CALN1: variants seen among roughly 807,000 people sequenced by gnomAD.
The protein encoded by CALN1 is calcium-binding protein 8.
A neutral mutation model predicts 30.6 loss-of-function variants in CALN1; 17 were observed. That is an observed-to-expected ratio of 0.56 (90% CI 0.38 to 0.83). The LOEUF (loss-of-function observed/expected upper bound fraction) is 0.83. Ranked by LOEUF, CALN1 falls within the 40% of genes least tolerant of loss-of-function variation. The probability of loss-of-function intolerance (pLI) is 0.00; values close to 1 mark genes in which losing one functional copy is unlikely to be tolerated. For missense variants in CALN1, 291 were observed against 354.9 expected (o/e 0.82, Z 1.45); for synonymous variants, 156 against 131.4 (o/e 1.19, Z -1.28).
intron 2 of CALN1, among the ~76,000 whole-genome samples, chr7:72,291,402 C>T (rs538696025): frequency 2.6e-5 from 4 of 152,278 alleles, no homozygotes; most frequent in Middle Eastern, 3.4e-3. Flanking sequence ...CAACAGGTGA[C>T]GCTTTTCCCA....
intron 6 of CALN1, among the ~76,000 whole-genome samples, chr7:71,797,874 A>G (rs1787021902): frequency 6.6e-6 from 1 of 152,154 alleles, no homozygotes; most frequent in South Asian, 2.1e-4. Context: ...TGTCATACCC[A>G]AAGATTGTTC....
intron 3 of CALN1, among the ~76,000 whole-genome samples, chr7:72,183,523 G>C (rs574021492): frequency 6.6e-6 from 1 of 152,294 alleles, no homozygotes; most frequent in South Asian, 2.1e-4. Flanking sequence ...TAAAATGCGA[G>C]AAGTTATGAA....
chr7:71,801,679 T>C (rs1001736987), intron 6 of CALN1, among the ~76,000 whole-genome samples: 1 of 152,014 alleles, frequency 6.6e-6, no homozygotes, highest in Non-Finnish European at 1.5e-5. Flanking sequence ...GTTTTTGCTG[T>C]TAAAACACTT....
chr7:72,198,451 A>T (rs938110510), intron 3 of CALN1, among the ~76,000 whole-genome samples: 1 of 152,148 alleles, frequency 6.6e-6, no homozygotes, highest in African/African-American at 2.4e-5. Context: ...TTCTTCCTAA[A>T]ATCATGTGCA....
chr7:71,801,420 G>A (rs62459038), intron 6 of CALN1, among the ~76,000 whole-genome samples: 1 of 102,456 alleles, frequency 9.8e-6, no homozygotes, highest in African/African-American at 3.8e-5. Context: ...ATGTATGTAT[G>A]TATGTATGTA....
intron 3 of CALN1, among the ~76,000 whole-genome samples, chr7:72,199,369 A>T (rs1791255753): frequency 6.6e-6 from 1 of 152,194 alleles, no homozygotes; most frequent in Non-Finnish European, 1.5e-5. Flanking sequence ...ACAGAACCTC[A>T]GCTCTCTCTC....
At chr7:71,847,978 C>T (rs1297190127) in intron 5 of CALN1, among the ~76,000 whole-genome samples, 1 of 152,072 alleles carries the variant, frequency 6.6e-6, no homozygotes, top group Non-Finnish European at 1.5e-5. Flanking sequence ...ACTGTGAGTC[C>T]ATTAAATCTC....
At chr7:72,291,706 G>A (rs1398581805) in intron 2 of CALN1, among the ~76,000 whole-genome samples, 2 of 151,976 alleles carry the variant, frequency 1.3e-5, no homozygotes, top group East Asian at 1.9e-4. Context: ...TCCACCTCCC[G>A]GGTTCAAGTG....
At chr7:72,141,767 C>T (rs1330777587) in intron 3 of CALN1, among the ~76,000 whole-genome samples, 1 of 152,070 alleles carries the variant, frequency 6.6e-6, no homozygotes, top group Non-Finnish European at 1.5e-5. Context: ...CAGGGTTTCA[C>T]CATGTTGGTC....
At chr7:72,395,352 C>T (rs1805854079) in intron 2 of CALN1, among the ~76,000 whole-genome samples, 1 of 92,176 alleles carries the variant, frequency 1.1e-5, no homozygotes, top group African/African-American at 4.5e-5. Flanking sequence ...ACGCTGCGCA[C>T]GCGCGCGCAC....
intron 2 of CALN1, among the ~76,000 whole-genome samples, chr7:72,283,795 C>T (rs567171486): frequency 2.6e-5 from 4 of 152,272 alleles, no homozygotes; most frequent in South Asian, 2.1e-4. Flanking sequence ...AAAGCACCAG[C>T]GGGTTCCAGT....
At chr7:72,072,017 G>A (rs1804429959) in intron 4 of CALN1, among the ~76,000 whole-genome samples, 1 of 152,184 alleles carries the variant, frequency 6.6e-6, no homozygotes. Context: ...AAAGCAAACA[G>A]AACATAAAGT....
intron 5 of CALN1, among the ~76,000 whole-genome samples, chr7:71,963,185 CAG>C (rs1797336767): frequency 6.6e-6 from 1 of 152,098 alleles, no homozygotes; most frequent in African/African-American, 2.4e-5. Flanking sequence ...ATTTTTGAGA[CAG>C]AGTCTTGCTC....
chr7:72,038,202 C>CAT, intron 4 of CALN1, among the ~76,000 whole-genome samples: 1 of 152,096 alleles, frequency 6.6e-6, no homozygotes. Flanking sequence ...TCCTGGAATG[C>CAT]ATACACAGCT....
chr7:72,117,369 T>C (rs991007422), intron 3 of CALN1, among the ~76,000 whole-genome samples: 1 of 152,194 alleles, frequency 6.6e-6, no homozygotes, highest in Non-Finnish European at 1.5e-5. Context: ...GTCTCATAGA[T>C]GGCAGCCCTC....
intron 2 of CALN1, among the ~76,000 whole-genome samples, chr7:72,361,352 G>A (rs745565739): frequency 4.6e-5 from 7 of 151,912 alleles, no homozygotes; most frequent in African/African-American, 7.3e-5. Context: ...AAATAAAAAC[G>A]AGTTCAGACC....
chr7:71,779,583 G>A lies in CALN1; in HGVS notation c.*8192C>T, dbSNP rs372530441. On this transcript the variant is annotated 3_prime_UTR_variant, in exon 7 of 7. Coordinates refer to ENST00000395275, the MANE Select transcript of CALN1 (RefSeq NM_031468.4). ...AGATTATATATTTACAGACAAGTTC[G>A]GTTAAAGAAAACATCTGGTAAATAT... is the stretch of plus-strand genomic sequence containing the variant. 1.6e-4 allele frequency: 25 copies of A among 151,980 alleles called. No homozygotes were observed. In the East Asian group the frequency reaches 4.6e-3, roughly 28 times the overall value. 9.4% of individuals were successfully genotyped at this position (151,980 alleles called of 1,614,324 possible).
intron 4 of CALN1, among the ~76,000 whole-genome samples, chr7:72,061,002 A>G (rs1442678288): frequency 1.3e-5 from 2 of 152,202 alleles, no homozygotes; most frequent in Non-Finnish European, 2.9e-5. Context: ...AAAATACTAC[A>G]CAGCTCCCAG....
intron 3 of CALN1, among the ~76,000 whole-genome samples, chr7:72,144,714 T>C (rs894735087): frequency 2.0e-5 from 3 of 152,138 alleles, no homozygotes; most frequent in Admixed American, 1.3e-4. Flanking sequence ...ATTGACCACA[T>C]AGTTGGAAGT....
Sources: allele counts gnomAD v4.1 joint callset (sites outside exome capture counted in the v4.1 genomes callset), GRCh38; gene constraint gnomAD v4.1.1; transcripts MANE v1.5; gene names NCBI Gene and HGNC (gene_info 2026-07-23, HGNC 2026-07-21).